SYN3: variants seen among roughly 807,000 people sequenced by gnomAD.
SYN3 encodes the protein synapsin-3.
SYN3 carries 35 observed loss-of-function variants against 65.8 expected under a neutral mutation model. The observed-to-expected ratio is 0.53, with a 90% CI of 0.41 to 0.70. SYN3 has a LOEUF of 0.70. Among genes scored for constraint, SYN3 ranks in the 30% least tolerant of loss-of-function variants. The pLI is 0.00. For synonymous variants in SYN3, 270 were observed against 292.9 expected (o/e 0.92, Z 0.80); for missense variants, 680 against 749.0 (o/e 0.91, Z 1.08).
At chr22:32,989,903 C>G (rs999648241) in intron 2 of SYN3, among the ~76,000 whole-genome samples, 2 of 150,592 alleles carry the variant, frequency 1.3e-5, no homozygotes, top group Non-Finnish European at 3.0e-5. Context: ...AAAGACACAG[C>G]ACTATGTCAC....
intron 2 of SYN3, among the ~76,000 whole-genome samples, chr22:32,992,521 A>T (rs1275602194): frequency 1.3e-5 from 2 of 152,168 alleles, no homozygotes; most frequent in Non-Finnish European, 2.9e-5. Flanking sequence ...CCACTTAAAA[A>T]ATTCATCTCT....
At chr22:32,852,501 C>A (rs2048249084) in intron 6 of SYN3, among the ~76,000 whole-genome samples, 1 of 152,006 alleles carries the variant, frequency 6.6e-6, no homozygotes, top group African/African-American at 2.4e-5. Flanking sequence ...GGCACTGGTC[C>A]CTGGGAGACT....
rs1029317013 is a variant in SYN3 at position 32,802,076 on chromosome 22, A to G, written c.711+62839T>C. 1.3e-5 allele frequency: 21 copies of G among 1,577,936 alleles called. No homozygotes were observed. The highest frequency in any genetic ancestry group is 1.7e-5 in the Non-Finnish European group (20 of 1,166,848). On this transcript the variant is annotated intron_variant, in intron 6 of 13. Transcript: ENST00000358763. ...GGGACTGGGGCGCCGAGGCGTGCACATGCTCGCCCAGCCACCCCCAGGACG... is the reference window on the plus strand; with the variant it reads ...GGGACTGGGGCGCCGAGGCGTGCACGTGCTCGCCCAGCCACCCCCAGGACG...
chr22:32,941,690 C>A (rs1398265118), intron 3 of SYN3, among the ~76,000 whole-genome samples: 2 of 152,216 alleles, frequency 1.3e-5, no homozygotes, highest in African/African-American at 4.8e-5. Context: ...AGGGAATTCC[C>A]TTTCCTAGCC....
chr22:32,946,293 A>ATT (rs2051106936), intron 3 of SYN3, among the ~76,000 whole-genome samples: 5 of 152,222 alleles, frequency 3.3e-5, no homozygotes, highest in Non-Finnish European at 5.9e-5. Context: ...GAACCAACCC[A>ATT]AATGTCCATC....
intron 1 of SYN3, among the ~76,000 whole-genome samples, chr22:33,017,306 A>G (rs1015492181): frequency 2.0e-5 from 3 of 152,184 alleles, no homozygotes; most frequent in African/African-American, 7.2e-5. Flanking sequence ...ATAGCTTTGT[A>G]ATAGATTTCA....
chr22:32,975,021 A>G (rs2052141335), intron 3 of SYN3, among the ~76,000 whole-genome samples: 1 of 152,118 alleles, frequency 6.6e-6, no homozygotes, highest in African/African-American at 2.4e-5. Flanking sequence ...TCCCACACAT[A>G]TTAAGCTGTG....
intron 6 of SYN3, among the ~76,000 whole-genome samples, chr22:32,844,176 G>A (rs151118598): frequency 8.7e-4 from 133 of 152,278 alleles, no homozygotes; most frequent in Non-Finnish European, 1.4e-3. Context: ...GGGGAAGAAG[G>A]GTCTGGATTT....
intron 9 of SYN3, among the ~76,000 whole-genome samples, chr22:32,535,190 C>G (rs1011098425): frequency 6.6e-6 from 1 of 152,188 alleles, no homozygotes; most frequent in Non-Finnish European, 1.5e-5. Flanking sequence ...AGCAAGCCAC[C>G]CTTCCTCTCA....
At chr22:32,897,429 G>A (rs981698358) in intron 4 of SYN3, among the ~76,000 whole-genome samples, 3 of 152,206 alleles carry the variant, frequency 2.0e-5, no homozygotes, top group Admixed American at 2.0e-4. Context: ...TCTCAGTCAT[G>A]ACAATCACTG....
At chr22:32,881,064 G>A (rs2049120901) in intron 4 of SYN3, among the ~76,000 whole-genome samples, 1 of 152,198 alleles carries the variant, frequency 6.6e-6, no homozygotes, top group Non-Finnish European at 1.5e-5. Flanking sequence ...CTCCAGCGCT[G>A]TCAGCAGCCT....
At position 32,511,318 on chromosome 22, in the gene SYN3, T is replaced by C. The variant is rs527587279; in HGVS notation, c.*2374A>G. 1.9e-3 allele frequency among the ~76,000 whole-genome samples: 288 copies of C among 152,262 alleles called. 2 individuals are homozygous for C. Among genetic ancestry groups the C allele is most frequent in the African/African-American group, 6.5e-3 (270 of 41,568 alleles). On this transcript the variant is annotated 3_prime_UTR_variant, in exon 14 of 14. Coordinates refer to ENST00000358763, the MANE Select transcript of SYN3 (RefSeq NM_003490.4). Reference sequence around the variant, plus strand: ...CTCCCCCAAGCATGACTGTGGGATATTGACCCCAGGACCCCCACCTCCACC... The same window carrying C: ...CTCCCCCAAGCATGACTGTGGGATACTGACCCCAGGACCCCCACCTCCACC...
intron 6 of SYN3, among the ~76,000 whole-genome samples, chr22:32,656,143 C>T (rs2060139632): frequency 6.6e-6 from 1 of 152,204 alleles, no homozygotes; most frequent in African/African-American, 2.4e-5. Context: ...ATAATACTAC[C>T]GTCTACTGTT....
chr22:32,601,492 T>C (rs2146619350), intron 6 of SYN3, among the ~76,000 whole-genome samples: 1 of 152,354 alleles, frequency 6.6e-6, no homozygotes, highest in South Asian at 2.1e-4. Context: ...TTAGCCAGAA[T>C]GGTCTGGATC....
rs192237868 is a variant in SYN3, at chr22:32,842,486, A to G, written c.711+22429T>C. 3.5e-4 allele frequency among the ~76,000 whole-genome samples: 53 copies of G among 152,182 alleles called. No individual in the cohort carries two copies. The East Asian group carries it at 8.3e-3, about 24-fold the overall frequency. ...GGAAGGTTCTCAAGATCCTGGGGGG[A>G]TGAGGAAATGCTGAATCACAAGAAT... On this transcript the variant is annotated intron_variant, in intron 6 of 13. Transcript: ENST00000358763.
At chr22:32,778,207 A>ACTGAG (rs2045952663) in intron 6 of SYN3, among the ~76,000 whole-genome samples, 1 of 152,180 alleles carries the variant, frequency 6.6e-6, no homozygotes, top group East Asian at 1.9e-4. Context: ...TTAACTTCTC[A>ACTGAG]GTTTTCATGC....
intron 6 of SYN3, among the ~76,000 whole-genome samples, chr22:32,669,940 T>A (rs2060338281): frequency 6.6e-6 from 1 of 152,180 alleles, no homozygotes; most frequent in Admixed American, 6.5e-5. Context: ...ACTTTTCAGA[T>A]AAGAAAACTG....
At chr22:32,793,089 G>C (rs1313209531) in intron 6 of SYN3, among the ~76,000 whole-genome samples, 1 of 152,170 alleles carries the variant, frequency 6.6e-6, no homozygotes, top group African/African-American at 2.4e-5. Context: ...TACATAGTAG[G>C]TATTCAACTA....
intron 6 of SYN3, among the ~76,000 whole-genome samples, chr22:32,863,989 T>C (rs2048618473): frequency 6.6e-6 from 1 of 152,176 alleles, no homozygotes; most frequent in Admixed American, 6.5e-5. Flanking sequence ...CCCGATCAGA[T>C]ACAGGGGAAA....
Sources: allele counts gnomAD v4.1 joint callset (sites outside exome capture counted in the v4.1 genomes callset), GRCh38; gene constraint gnomAD v4.1.1; transcripts MANE v1.5; gene names NCBI Gene and HGNC (gene_info 2026-07-23, HGNC 2026-07-21).